The following RFX7 variants were observed in gnomAD, a reference collection of about 807,000 sequenced individuals.
RFX7 encodes the protein DNA-binding protein RFX7.
Under a neutral mutation model 111.8 loss-of-function variants are expected in RFX7, and 26 were observed. That is an observed-to-expected ratio of 0.23 (90% CI 0.17 to 0.32). The LOEUF (loss-of-function observed/expected upper bound fraction) is 0.32, where lower values mean the gene tolerates loss of function less well. Ranked by LOEUF, RFX7 falls within the 10% of genes least tolerant of loss-of-function variation. RFX7 has a pLI of 1.00. For missense variants in RFX7, 1,573 were observed against 1,772.9 expected (o/e 0.89, Z 2.02); for synonymous variants, 624 against 624.4 (o/e 1.00, Z 0.01).
intron 2 of RFX7, among the ~76,000 whole-genome samples, chr15:56,234,054 T>C (rs1164606135): frequency 6.6e-6 from 1 of 152,224 alleles, no homozygotes; most frequent in Non-Finnish European, 1.5e-5. Flanking sequence ...GTTAAGTGTG[T>C]TTGGATTTAT....
rs1212376400 is a variant in RFX7, at chr15:56,139,900, T to TG, written c.401+2877dup. Among the ~76,000 whole-genome samples, 3 of 152,316 alleles carry TG rather than the reference T, an allele frequency of 2.0e-5. 1 individual carries two copies. The highest frequency in any genetic ancestry group is 1.5e-5 in the Non-Finnish European group (1 of 68,032). ...GTGTGAGGTGTCAGTGTGCCCCTGC[T>TG]GGGGGGTGCCTCCCAGTTAGGCTGC... On this transcript the variant is annotated intron_variant, in intron 5 of 9. Coordinates refer to ENST00000559447, the MANE Select transcript of RFX7 (RefSeq NM_022841.7).
At chr15:56,213,812 T>C (rs1471405811) in intron 2 of RFX7, among the ~76,000 whole-genome samples, 1 of 152,228 alleles carries the variant, frequency 6.6e-6, no homozygotes, top group Non-Finnish European at 1.5e-5. Flanking sequence ...TCCTGATATG[T>C]GCATTTGTAT....
intron 2 of RFX7, among the ~76,000 whole-genome samples, chr15:56,213,090 C>T (rs2043329016): frequency 6.6e-6 from 1 of 152,160 alleles, no homozygotes; most frequent in East Asian, 1.9e-4. Context: ...ATGGTACAGA[C>T]ATTCTGGAAA....
chr15:56,196,850 T>A (rs1398641350), intron 2 of RFX7, among the ~76,000 whole-genome samples: 1 of 152,196 alleles, frequency 6.6e-6, no homozygotes, highest in Non-Finnish European at 1.5e-5. Flanking sequence ...ACATACAACA[T>A]TGCAACAAAT....
intron 2 of RFX7, among the ~76,000 whole-genome samples, chr15:56,213,845 T>C (rs1202537997): frequency 1.3e-5 from 2 of 152,232 alleles, no homozygotes; most frequent in East Asian, 1.9e-4. Flanking sequence ...TAAAACTATC[T>C]TTTGTCCTGT....
chr15:56,202,487 C>T (rs1473513181), intron 2 of RFX7, among the ~76,000 whole-genome samples: 1 of 152,066 alleles, frequency 6.6e-6, no homozygotes, highest in South Asian at 2.1e-4. Context: ...ATGTCTATGG[C>T]ACAGCATGTC....
chr15:56,212,775 T>C (rs994370018), intron 2 of RFX7, among the ~76,000 whole-genome samples: 1 of 152,108 alleles, frequency 6.6e-6, no homozygotes, highest in Non-Finnish European at 1.5e-5. Context: ...AAATAGAGTA[T>C]GTTAAAAATA....
intron 3 of RFX7, among the ~76,000 whole-genome samples, chr15:56,147,182 T>A (rs1429760261): frequency 6.6e-6 from 1 of 152,242 alleles, no homozygotes; most frequent in East Asian, 1.9e-4. Context: ...AAATAAATCA[T>A]AATGGTATTC....
intron 3 of RFX7, among the ~76,000 whole-genome samples, chr15:56,176,226 T>G (rs1444358256): frequency 6.6e-6 from 1 of 152,020 alleles, no homozygotes; most frequent in African/African-American, 2.4e-5. Flanking sequence ...AAATGGGCAT[T>G]TTAGAAGGGG....
intron 5 of RFX7, among the ~76,000 whole-genome samples, chr15:56,124,491 A>T (rs554701621): frequency 2.8e-4 from 42 of 152,038 alleles, no homozygotes; most frequent in Middle Eastern, 3.4e-3. Context: ...AACAGTGTGT[A>T]AGTGTTCCCT....
At position 56,094,836 on chromosome 15, in the gene RFX7, CGGGGTTGGGGTT is replaced by C; in HGVS notation, c.2880_2891del (p.Pro962_Thr965del). On this transcript the variant is annotated inframe_deletion, in exon 10 of 10. Coordinates refer to ENST00000559447, the MANE Select transcript of RFX7 (RefSeq NM_022841.7). ...GAGATCCAGCAATCATTTCAGATGT[CGGGGTTGGGGTT>C]GGGGTTGGAGTAGGAGTGGGTGTGG... 1 of 1,562,976 alleles carries C rather than the reference CGGGGTTGGGGTT, an allele frequency of 6.4e-7. No individual in the cohort carries two copies. Among genetic ancestry groups the C allele is most frequent in the Non-Finnish European group, 8.7e-7 (1 of 1,153,848 alleles).
At chr15:56,166,863 C>A (rs929285453) in intron 3 of RFX7, among the ~76,000 whole-genome samples, 1 of 152,128 alleles carries the variant, frequency 6.6e-6, no homozygotes, top group Admixed American at 6.6e-5. Flanking sequence ...AAGTAATCCA[C>A]CCAGCCTGAG....
chr15:56,119,041 A>ATT (rs575975989), intron 5 of RFX7, among the ~76,000 whole-genome samples: 1 of 151,834 alleles, frequency 6.6e-6, no homozygotes, highest in Non-Finnish European at 1.5e-5. Context: ...AAATTATTAG[A>ATT]TTTTTTTTCT....
intron 3 of RFX7, among the ~76,000 whole-genome samples, chr15:56,154,705 C>T (rs2042626444): frequency 6.6e-6 from 1 of 152,134 alleles, no homozygotes; most frequent in Non-Finnish European, 1.5e-5. Context: ...CAATAGTATT[C>T]AGGACATAGG....
chr15:56,093,057 T>C lies in RFX7; in HGVS notation c.*288A>G, dbSNP rs2082730124. On this transcript the variant is annotated 3_prime_UTR_variant, in exon 10 of 10. Coordinates refer to ENST00000559447, the MANE Select transcript of RFX7 (RefSeq NM_022841.7). ...TGAAATGAAACTAACTTACACAAAA[T>C]AAAGATCGACTGCTCTTGTAACAGC... 1 of 307,016 alleles carries C rather than the reference T, an allele frequency of 3.3e-6. No homozygotes were observed. Among genetic ancestry groups the C allele is most frequent in the Non-Finnish European group, 6.0e-6 (1 of 166,030 alleles). The allele number at this position is 307,016 out of a possible 1,614,324, so 19.0% of individuals were successfully genotyped here.
At chr15:56,184,086 C>T (rs945557984) in intron 2 of RFX7, among the ~76,000 whole-genome samples, 3 of 150,160 alleles carry the variant, frequency 2.0e-5, no homozygotes, top group South Asian at 4.2e-4. Context: ...AGTATGCCAT[C>T]GCGGCTCACC....
At chr15:56,161,200 AC>A (rs2042716183) in intron 3 of RFX7, among the ~76,000 whole-genome samples, 1 of 152,102 alleles carries the variant, frequency 6.6e-6, no homozygotes, top group South Asian at 2.1e-4. Flanking sequence ...CCTGTTTCTC[AC>A]AATGCTTCTC....
rs1447389599 is a variant in RFX7 at position 56,092,351 on chromosome 15, G to C, written c.*994C>G. Reference sequence around the variant, plus strand: ...TGATCAAACTACATTACTATATTCAGGAGGAGTGAGGGAGTCAGTCACTCA... The same window carrying C: ...TGATCAAACTACATTACTATATTCACGAGGAGTGAGGGAGTCAGTCACTCA... On this transcript the variant is annotated 3_prime_UTR_variant, in exon 10 of 10. Coordinates refer to ENST00000559447, the MANE Select transcript of RFX7 (RefSeq NM_022841.7). The C allele has an allele frequency of 6.6e-6, 1 of 152,390 alleles. No homozygotes were observed. The highest frequency in any genetic ancestry group is 1.5e-5 in the Non-Finnish European group (1 of 67,942). The allele number at this position is 152,390 out of a possible 1,614,324, so 9.4% of individuals were successfully genotyped here.
rs1377683595 is a variant in RFX7 at position 56,126,118 on chromosome 15, C to T, written c.401+16660G>A. ...TTAATTTTTGAATAAAGCATGGCAA[C>T]TAGAACTGACCATTATCTGATCCAT... On this transcript the variant is annotated intron_variant, in intron 5 of 9. Transcript: ENST00000559447. Among the ~76,000 whole-genome samples, 10 of 152,126 alleles carry T rather than the reference C, an allele frequency of 6.6e-5. No homozygotes were observed. The East Asian group carries it at 1.9e-3, about 29-fold the overall frequency.
Sources: gnomAD v4.1 joint callset for allele counts (sites outside exome capture counted in the v4.1 genomes callset) on GRCh38, gnomAD v4.1.1 for gene constraint, MANE v1.5 for transcripts, NCBI Gene and HGNC (gene_info 2026-07-23, HGNC 2026-07-21) for gene names.